The following CSMD1 variants were observed in gnomAD, a reference collection of about 807,000 sequenced individuals.
The protein encoded by CSMD1 is CUB and Sushi multiple domains 1.
In CSMD1, 213 loss-of-function variants were observed where a neutral mutation model predicts 417.5. The observed-to-expected ratio is 0.51, with a 90% confidence interval of 0.46 to 0.57. CSMD1 has a LOEUF of 0.57. CSMD1 is among the 20% of genes least tolerant of loss of function. The pLI, the probability that CSMD1 is intolerant of heterozygous loss-of-function variation, is 0.00. For missense variants in CSMD1, 6,923 were observed against 4,529.7 expected, an observed-to-expected ratio of 1.53 and a Z score of -15.17; for synonymous variants, 2,862 against 1,736.8, an observed-to-expected ratio of 1.65 and a Z score of -16.11.
At chr8:4,000,184 G>A (rs1815557090) in intron 4 of CSMD1, among the ~76,000 whole-genome samples, 1 of 149,916 alleles carries the variant, frequency 6.7e-6, no homozygotes, top group Admixed American at 6.7e-5. Context: ...TGCCCAGCTC[G>A]CCGCAGTTTT....
intron 5 of CSMD1, among the ~76,000 whole-genome samples, chr8:3,775,196 G>T (rs1798833622): frequency 6.6e-6 from 1 of 152,170 alleles, no homozygotes; most frequent in South Asian, 2.1e-4. Context: ...GTCCAAAAAA[G>T]AATTTTGAAA....
chr8:4,311,268 G>A (rs534642527), intron 3 of CSMD1, among the ~76,000 whole-genome samples: 1 of 152,180 alleles, frequency 6.6e-6, no homozygotes, highest in Non-Finnish European at 1.5e-5. Flanking sequence ...ATCAATGACA[G>A]ATTAGATAAA....
At position 3,181,724 on chromosome 8, in the gene CSMD1, T is replaced by G. The variant is rs1477862558; in HGVS notation, c.5621-510A>C. ...TGTTCCCCCTGGATCTGTTGATGATTTCAACTAAAGATGCATGAAAAGGAA... is the reference window on the plus strand; with the variant it reads ...TGTTCCCCCTGGATCTGTTGATGATGTCAACTAAAGATGCATGAAAAGGAA... On this transcript the variant is annotated intron_variant, in intron 36 of 69. Transcript: ENST00000635120. Among the ~76,000 whole-genome samples, 3 of 152,182 alleles carry G rather than the reference T, an allele frequency of 2.0e-5. No homozygotes were observed. The East Asian group carries it at 5.8e-4, about 29-fold the overall frequency.
chr8:3,514,310 G>C (rs994559446), intron 10 of CSMD1, among the ~76,000 whole-genome samples: 8 of 152,194 alleles, frequency 5.3e-5, no homozygotes, highest in African/African-American at 1.7e-4. Context: ...ATTGCAGCTA[G>C]TAGATATTTT....
chr8:3,360,035 C>A (rs756973556), intron 20 of CSMD1, among the ~76,000 whole-genome samples: 14 of 152,240 alleles, frequency 9.2e-5, no homozygotes, highest in Non-Finnish European at 1.9e-4. Context: ...GTAACTAACG[C>A]ATGAAGCATA....
intron 10 of CSMD1, among the ~76,000 whole-genome samples, chr8:3,559,946 G>A (rs1257207499): frequency 6.6e-6 from 1 of 152,142 alleles, no homozygotes; most frequent in South Asian, 2.1e-4. Context: ...GGAGGTGACA[G>A]AGGAGGAAAG....
intron 5 of CSMD1, among the ~76,000 whole-genome samples, chr8:3,833,403 T>C (rs1416441919): frequency 1.3e-5 from 2 of 152,118 alleles, no homozygotes; most frequent in Non-Finnish European, 2.9e-5. Context: ...TTCAACTCCT[T>C]TTATATTTTA....
At chr8:4,994,067 T>A (rs1020067155) in intron 1 of CSMD1, among the ~76,000 whole-genome samples, 1 of 151,404 alleles carries the variant, frequency 6.6e-6, no homozygotes, top group Non-Finnish European at 1.5e-5. Context: ...CTTGACACCC[T>A]GTACTGCCGA....
In CSMD1 at chr8:4,883,771, ATGC is replaced by A. The variant is rs578222531; in HGVS notation, c.85+110558_85+110560del. ...TTTCACATTTTGGTTATTATCAACA[ATGC>A]TGCTATGAACATTCATGTACACAAA... On this transcript the variant is annotated intron_variant, in intron 1 of 69. Transcript: ENST00000635120. Among the ~76,000 whole-genome samples the A allele has an allele frequency of 3.9e-5, 6 of 152,186 alleles. No homozygotes were observed. In the South Asian group the frequency reaches 1.2e-3, roughly 32 times the overall value.
chr8:4,791,239 TG>T (rs144128223), intron 1 of CSMD1, among the ~76,000 whole-genome samples: 15,968 of 152,182 alleles, frequency 0.1, 1,076 homozygotes, highest in South Asian at 0.15. Flanking sequence ...GGAACGTGCC[TG>T]GGGTTGCAGG....
At position 4,930,874 on chromosome 8, in the gene CSMD1, G is replaced by A. The variant is rs189895324; in HGVS notation, c.85+63458C>T. On this transcript the variant is annotated intron_variant, in intron 1 of 69. Transcript: ENST00000635120. ...TTAATTTCTTAATAAAGGGTTCCCA[G>A]AATTACTGTATGTCTAGTTTTCTGT... 7.7e-4 allele frequency among the ~76,000 whole-genome samples: 117 copies of A among 152,324 alleles called. 1 individual carries two copies. The highest frequency in any genetic ancestry group is 1.3e-3 in the Admixed American group (20 of 15,300).
At chr8:3,936,184 GAAA>G (rs35166741) in intron 5 of CSMD1, among the ~76,000 whole-genome samples, 2 of 142,664 alleles carry the variant, frequency 1.4e-5, no homozygotes, top group African/African-American at 2.6e-5. Context: ...TAGGGTTTAA[GAAA>G]AAAAAAAAAA....
At chr8:3,542,379 T>G (rs1159959190) in intron 10 of CSMD1, among the ~76,000 whole-genome samples, 1 of 152,216 alleles carries the variant, frequency 6.6e-6, no homozygotes, top group African/African-American at 2.4e-5. Flanking sequence ...TATTTTATTT[T>G]ACAAATATAT....
intron 2 of CSMD1, among the ~76,000 whole-genome samples, chr8:4,586,756 G>A (rs373703800): frequency 1.4e-4 from 21 of 152,274 alleles, no homozygotes; most frequent in South Asian, 1.0e-3. Context: ...TAGCTGTGCG[G>A]TTCCCCATGG....
intron 3 of CSMD1, among the ~76,000 whole-genome samples, chr8:4,197,400 ACATTT>A (rs1371797865): frequency 6.6e-6 from 1 of 152,162 alleles, no homozygotes; most frequent in African/African-American, 2.4e-5. Context: ...CATAAGATGA[ACATTT>A]CATTTGGTAG....
intron 5 of CSMD1, among the ~76,000 whole-genome samples, chr8:3,956,450 T>C (rs1406695801): frequency 6.6e-6 from 1 of 152,178 alleles, no homozygotes; most frequent in African/African-American, 2.4e-5. Context: ...TGCCTTGTGA[T>C]AGCTTGAGTT....
chr8:3,874,663 T>C (rs747603562), intron 5 of CSMD1, among the ~76,000 whole-genome samples: 3 of 152,136 alleles, frequency 2.0e-5, no homozygotes, highest in Non-Finnish European at 4.4e-5. Flanking sequence ...GCCATGTTTT[T>C]CTCTGTGGAT....
chr8:4,626,893 C>T (rs887463344), intron 2 of CSMD1, among the ~76,000 whole-genome samples: 5 of 152,178 alleles, frequency 3.3e-5, no homozygotes, highest in East Asian at 1.9e-4. Flanking sequence ...CTTGCCTTTT[C>T]GATTCTTTAT....
intron 1 of CSMD1, among the ~76,000 whole-genome samples, chr8:4,791,938 AG>A (rs1797714423): frequency 6.8e-6 from 1 of 147,312 alleles, no homozygotes; most frequent in Admixed American, 6.7e-5. Flanking sequence ...TCTTTATGTT[AG>A]TTTTCCTTTT....
Sources: allele counts gnomAD v4.1 joint callset (sites outside exome capture counted in the v4.1 genomes callset), GRCh38; gene constraint gnomAD v4.1.1; transcripts MANE v1.5; gene names NCBI Gene and HGNC (gene_info 2026-07-23, HGNC 2026-07-21).